The following IRAK1BP1 variants were observed in gnomAD, a reference collection of about 807,000 sequenced individuals.
IRAK1BP1 encodes the protein interleukin 1 receptor associated kinase 1 binding protein 1.
IRAK1BP1 carries 24 observed loss-of-function variants against 28.0 expected under a neutral mutation model. The ratio of observed to expected loss-of-function variants is 0.86; its 90% CI spans 0.62 to 1.20. The LOEUF is 1.20. Among genes scored for constraint, IRAK1BP1 ranks in the 50% most tolerant of loss-of-function variants. The pLI, the probability that IRAK1BP1 is intolerant of heterozygous loss-of-function variation, is 0.00. For missense variants in IRAK1BP1, 336 were observed against 316.7 expected, an observed-to-expected ratio of 1.06 and a Z score of -0.46; for synonymous variants, 131 against 116.3, an observed-to-expected ratio of 1.13 and a Z score of -0.81.
intron 2 of IRAK1BP1, among the ~76,000 whole-genome samples, chr6:78,888,541 G>A (rs1214675876): frequency 3.6e-5 from 5 of 139,798 alleles, no homozygotes; most frequent in Admixed American, 1.5e-4. Flanking sequence ...TTTTTGAGAT[G>A]GAGTCTCACT....
chr6:78,902,827 G>A lies in IRAK1BP1; in HGVS notation c.*4493G>A, dbSNP rs753585388. On this transcript the variant is annotated 3_prime_UTR_variant, in exon 4 of 4. Coordinates refer to ENST00000369940, the MANE Select transcript of IRAK1BP1 (RefSeq NM_001010844.4). ...ACATACATACATACATACATAAAAT[G>A]CCCAGTATCTTACAAGACTGTAGTT... 5.1e-4 allele frequency: 288 copies of A among 563,868 alleles called. No homozygotes were observed. The highest frequency in any genetic ancestry group is 7.6e-4 in the Non-Finnish European group (242 of 316,636). 34.9% of individuals were successfully genotyped at this position (563,868 alleles called of 1,614,324 possible). A position where few individuals can be genotyped will look rare whatever the true frequency, so the allele number is the denominator to read the frequency against.
At chr6:78,971,682 G>A in the IRAK1BP1 span, among the ~76,000 whole-genome samples, 171 of 152,256 alleles carry the variant, frequency 1.1e-3, no homozygotes, top group Non-Finnish European at 1.6e-3. Context: ...CACCGTGTGC[G>A]AGCCGAAGTA....
At chr6:78,944,570 G>A (rs903707399) in intron 4 of IRAK1BP1, among the ~76,000 whole-genome samples, 3 of 152,132 alleles carry the variant, frequency 2.0e-5, no homozygotes, top group African/African-American at 7.2e-5. Flanking sequence ...AAAAGCTGTT[G>A]AACAGATTCA....
intron 4 of IRAK1BP1, among the ~76,000 whole-genome samples, chr6:78,926,444 T>TG (rs1331475900): frequency 1.3e-5 from 2 of 152,174 alleles, no homozygotes; most frequent in South Asian, 4.1e-4. Context: ...TGTATATTTA[T>TG]GGGATATATG....
chr6:78,880,932 G>A lies in IRAK1BP1; in HGVS notation c.316-4446G>A, dbSNP rs187345029. On this transcript the variant is annotated intron_variant, in intron 1 of 3. Coordinates refer to ENST00000369940, the MANE Select transcript of IRAK1BP1 (RefSeq NM_001010844.4). ...ATTCTCGTTCATTGCTGGTGAGATT[G>A]CAAAATTATATGGCCACTTTGGAAG... Among the ~76,000 whole-genome samples the A allele has an allele frequency of 6.4e-4, 98 of 152,254 alleles. 1 individual carries two copies. In the South Asian group the frequency reaches 8.1e-3, roughly 13 times the overall value.
the IRAK1BP1 span, among the ~76,000 whole-genome samples, chr6:78,963,957 C>A: frequency 1.8e-3 from 228 of 127,384 alleles, 2 homozygotes; most frequent in Middle Eastern, 0.05. Flanking sequence ...CCAAATAGAA[C>A]AACAACAGTA....
At chr6:78,912,864 A>G (rs1772463426) in intron 4 of IRAK1BP1, among the ~76,000 whole-genome samples, 1 of 152,244 alleles carries the variant, frequency 6.6e-6, no homozygotes, top group African/African-American at 2.4e-5. Context: ...GATTTGTTAA[A>G]GAGAAATGTA....
intron 4 of IRAK1BP1, among the ~76,000 whole-genome samples, chr6:78,943,989 T>TAAAAA (rs1424311614): frequency 4.3e-5 from 2 of 46,822 alleles, no homozygotes; most frequent in Non-Finnish European, 8.3e-5. Flanking sequence ...CTGTCTTTTT[T>TAAAAA]TAAAAAAAAA....
the IRAK1BP1 span, among the ~76,000 whole-genome samples, chr6:78,974,438 T>C: frequency 2.6e-5 from 4 of 151,452 alleles, no homozygotes; most frequent in Admixed American, 2.0e-4. Flanking sequence ...AGATCCAAAA[T>C]TGACACCCTA....
intron 4 of IRAK1BP1, among the ~76,000 whole-genome samples, chr6:78,917,101 C>A (rs1225625517): frequency 6.6e-6 from 1 of 151,896 alleles, no homozygotes; most frequent in Non-Finnish European, 1.5e-5. Context: ...AATAACAGAT[C>A]AAGATTTCAA....
At chr6:78,939,777 A>T (rs950193579) in intron 4 of IRAK1BP1, 1 of 152,348 alleles carries the variant, frequency 6.6e-6, no homozygotes, top group Non-Finnish European at 1.5e-5. Flanking sequence ...AACCACTTAA[A>T]CATTTCCTCT....
intron 2 of IRAK1BP1, among the ~76,000 whole-genome samples, chr6:78,890,672 AGC>A (rs1771620633): frequency 3.3e-5 from 5 of 152,260 alleles, no homozygotes. Context: ...AAATCTGAAC[AGC>A]AATTGGACCT....
chr6:78,945,529 G>T, exon 5 of IRAK1BP1: 1 of 1,353,090 alleles, frequency 7.4e-7, no homozygotes, highest in South Asian at 1.2e-5. Context: ...TAAAAATTAA[G>T]AGTTATTGAA....
chr6:78,894,972 G>A (rs1454092755), intron 2 of IRAK1BP1, among the ~76,000 whole-genome samples: 1 of 152,040 alleles, frequency 6.6e-6, no homozygotes, highest in Admixed American at 6.5e-5. Context: ...GCTGGGCATG[G>A]TGGTGCACAC....
At chr6:78,950,115 GTTCT>G (rs1439907860), downstream of IRAK1BP1, among the ~76,000 whole-genome samples, 1 of 152,076 alleles carries the variant, frequency 6.6e-6, no homozygotes, top group Non-Finnish European at 1.5e-5. Context: ...TTTGTCAAAT[GTTCT>G]TTCTGGATTA....
chr6:78,964,883 T>A, the IRAK1BP1 span, among the ~76,000 whole-genome samples: 1 of 152,228 alleles, frequency 6.6e-6, no homozygotes, highest in East Asian at 1.9e-4. Context: ...ATAATCATTA[T>A]TAAAATCTCG....
Position 78,940,689 on chromosome 6 carries a change from C to T in IRAK1BP1, c.*68-4719C>T, listed in dbSNP as rs1773457911. 4 of 1,569,196 alleles carry T rather than the reference C, an allele frequency of 2.5e-6. No homozygotes were observed. In the Admixed American group the frequency reaches 5.2e-5, roughly 20 times the overall value. On this transcript the variant is annotated intron_variant and NMD_transcript_variant, in intron 4 of 4. Transcript: ENST00000606868. ...GATTTTGAAGTAAAATATTTTGGTACAAGTTACCAACCAATTAAATTAGCT... is the reference window on the plus strand; with the variant it reads ...GATTTTGAAGTAAAATATTTTGGTATAAGTTACCAACCAATTAAATTAGCT...
chr6:78,949,741 T>A (rs1378218950), downstream of IRAK1BP1, among the ~76,000 whole-genome samples: 1 of 151,932 alleles, frequency 6.6e-6, no homozygotes, highest in Non-Finnish European at 1.5e-5. Context: ...CAGGCTAGAG[T>A]TCAGTGGTAT....
rs191935205 is a variant in IRAK1BP1, at chr6:78,923,525, C to T, written c.*67+20415C>T. ...GACAGATCATGAGACAGAAAGTTAA[C>T]ATGGATATCCAGGAATTTAACTCAG... On this transcript the variant is annotated intron_variant and NMD_transcript_variant, in intron 4 of 4. Coordinates refer to the IRAK1BP1 transcript ENST00000606868. Among the ~76,000 whole-genome samples, 59 of 152,256 alleles carry T rather than the reference C, an allele frequency of 3.9e-4. 1 individual carries two copies. Among genetic ancestry groups the T allele is most frequent in the Admixed American group, 2.9e-3 (45 of 15,284 alleles).
Sources: gnomAD v4.1 joint callset for allele counts (sites outside exome capture counted in the v4.1 genomes callset) on GRCh38, gnomAD v4.1.1 for gene constraint, MANE v1.5 for transcripts, NCBI Gene and HGNC (gene_info 2026-07-23, HGNC 2026-07-21) for gene names.